The following CRYBG3 variants were observed in gnomAD, a reference collection of about 807,000 sequenced individuals.
The protein encoded by CRYBG3 is crystallin beta-gamma domain containing 3.
A neutral mutation model predicts 244.2 loss-of-function variants in CRYBG3; 127 were observed. That is an observed-to-expected ratio of 0.52 (90% CI 0.45 to 0.60). CRYBG3 has a LOEUF of 0.60. Among genes scored for constraint, CRYBG3 ranks in the 20% least tolerant of loss-of-function variants. The probability of loss-of-function intolerance (pLI) is 0.00; values close to 1 mark genes in which losing one functional copy is unlikely to be tolerated. For synonymous variants in CRYBG3, 1,132 were observed against 1,195.8 expected (o/e 0.95, Z 1.10); for missense variants, 3,325 against 3,442.5 (o/e 0.97, Z 0.85).
At chr3:97,901,507 G>T (rs954375152) in intron 15 of CRYBG3, among the ~76,000 whole-genome samples, 2 of 152,062 alleles carry the variant, frequency 1.3e-5, no homozygotes, top group Non-Finnish European at 2.9e-5. Flanking sequence ...ATTAGCTCAG[G>T]CCTATTGGGA....
In CRYBG3 at chr3:97,876,028, T is replaced by G; in HGVS notation, c.4834T>G (p.Ser1612Ala). 1 of 1,231,906 alleles carries G rather than the reference T, an allele frequency of 8.1e-7. No individual in the cohort carries two copies. Among genetic ancestry groups the G allele is most frequent in the Non-Finnish European group, 1.0e-6 (1 of 987,910 alleles). The allele number at this position is 1,231,906 out of a possible 1,614,324, so 76.3% of individuals were successfully genotyped here. A position where few individuals can be genotyped will look rare whatever the true frequency, so the allele number is the denominator to read the frequency against. ...GAGCTGTATTGAAAAAACTGAGGGA[T>G]CAGCTGTCATTTTAGGAATGGAAAA... ...AESCIEKTEG[S>A]AVILGMEKAY... The change falls in exon 4 of 22, where the codon TCA becomes GCA. Residue 1612 changes from serine to alanine, a missense_variant. Coordinates refer to ENST00000389622, the MANE Select transcript of CRYBG3 (RefSeq NM_153605.4).
chr3:97,903,869 C>T lies in CRYBG3; in HGVS notation c.8004+3384C>T, dbSNP rs560470946. Among the ~76,000 whole-genome samples the T allele has an allele frequency of 1.9e-4, 29 of 152,172 alleles. No individual in the cohort carries two copies. In the East Asian group the frequency reaches 5.6e-3, roughly 29 times the overall value. ...ACAATAATACATGTGAAAAGCAAAC[C>T]AGAGGAATACTTTTTTTCCTTCGCT... On this transcript the variant is annotated intron_variant, in intron 15 of 21. Coordinates refer to ENST00000389622, the MANE Select transcript of CRYBG3 (RefSeq NM_153605.4).
intron 3 of CRYBG3, among the ~76,000 whole-genome samples, chr3:97,870,509 G>T (rs1040500315): frequency 1.3e-5 from 2 of 152,078 alleles, no homozygotes; most frequent in African/African-American, 4.8e-5. Flanking sequence ...TGGCATATAT[G>T]TACCACATTT....
At chr3:97,855,336 T>C (rs983793125) in intron 2 of CRYBG3, among the ~76,000 whole-genome samples, 1 of 152,180 alleles carries the variant, frequency 6.6e-6, no homozygotes, top group African/African-American at 2.4e-5. Context: ...GCTTTTGTTA[T>C]CAGGGTAATG....
intron 12 of CRYBG3, among the ~76,000 whole-genome samples, chr3:97,898,207 C>T (rs1435882763): frequency 6.8e-6 from 1 of 146,530 alleles, no homozygotes; most frequent in Non-Finnish European, 1.5e-5. Flanking sequence ...GCAACAAGAG[C>T]GAAACTGCTT....
At chr3:97,879,793 TA>T in intron 5 of CRYBG3, 45 bp downstream of exon 5, 1 of 1,409,094 alleles carries the variant, frequency 7.1e-7, no homozygotes, top group African/African-American at 1.4e-5. Flanking sequence ...AAACATTAGG[TA>T]ACTTTCAGGC....
chr3:97,933,125 C>T (rs754450988), intron 17 of CRYBG3: 3 of 455,098 alleles, frequency 6.6e-6, no homozygotes, highest in South Asian at 3.1e-5. Flanking sequence ...AATGAAAAAG[C>T]AATACTGAGT....
chr3:97,934,628 G>A (rs917068035), intron 18 of CRYBG3, among the ~76,000 whole-genome samples: 13 of 152,054 alleles, frequency 8.5e-5, no homozygotes, highest in Admixed American at 8.5e-4. Flanking sequence ...TAAAGAGAAA[G>A]CCAATAATAT....
At chr3:97,911,226 T>C (rs1429099630) in intron 15 of CRYBG3, among the ~76,000 whole-genome samples, 3 of 152,226 alleles carry the variant, frequency 2.0e-5, no homozygotes, top group Non-Finnish European at 4.4e-5. Flanking sequence ...TTATCCTCGA[T>C]GACAGCATGA....
intron 17 of CRYBG3, among the ~76,000 whole-genome samples, chr3:97,923,343 T>TA (rs547633908): frequency 6.6e-6 from 1 of 151,484 alleles, no homozygotes; most frequent in Non-Finnish European, 1.5e-5. Context: ...ATAATAATAA[T>TA]AAAAAAAAGT....
Position 97,843,266 on chromosome 3 carries a change from A to G in CRYBG3, c.216+5A>G, listed in dbSNP as rs1158886394. ...CTTTCATCAGAAGCAGTAAAGGTAT[A>G]GTTTTAAATTAATATTATTTTATAT... On this transcript the variant is annotated splice_donor_5th_base_variant and intron_variant, in intron 2 of 21. Transcript: ENST00000389622. 11 of 1,362,772 alleles carry G rather than the reference A, an allele frequency of 8.1e-6. No individual in the cohort carries two copies. In the Admixed American group the frequency reaches 8.3e-5, roughly 10 times the overall value. The allele number at this position is 1,362,772 out of a possible 1,614,324, so 84.4% of individuals were successfully genotyped here.
chr3:97,841,257 T>TGTGTATACACATATATGTACATATAG (rs2038811063), intron 1 of CRYBG3, among the ~76,000 whole-genome samples: 1 of 135,290 alleles, frequency 7.4e-6, no homozygotes, highest in Non-Finnish European at 1.5e-5. Context: ...TATGTATATA[T>TGTGTATACACATATATGTACATATAG]GTGTATACAC....
Position 97,877,033 on chromosome 3 carries a change from C to A in CRYBG3, c.5839C>A (p.Pro1947Thr), listed in dbSNP as rs780700814. 3.8e-6 allele frequency: 6 copies of A among 1,580,796 alleles called. No individual in the cohort carries two copies. In the East Asian group the frequency reaches 1.3e-4, roughly 35 times the overall value. The change falls in exon 4 of 22, where the codon CCA (proline) becomes ACA (threonine). Residue 1947 changes from proline (P) to threonine (T), a missense_variant. This residue lies in a region of CRYBG3 where 450 missense variants were observed against 424.1 expected (regional missense o/e 1.06). Coordinates refer to ENST00000389622, the MANE Select transcript of CRYBG3 (RefSeq NM_153605.4). ...LSKDYEGYPA[P>T]AMPDFQPGDT... ...TAAGGATTATGAGGGCTACCCAGCCCCAGCAATGCCAGATTTTCAACCTGG... is the reference window on the plus strand; with the variant it reads ...TAAGGATTATGAGGGCTACCCAGCCACAGCAATGCCAGATTTTCAACCTGG...
chr3:97,835,574 TTGAAA>T lies in CRYBG3; in HGVS notation c.150-7612_150-7608del, dbSNP rs1441417624. On this transcript the variant is annotated intron_variant, in intron 1 of 21. Transcript: ENST00000389622. ...CATGGTGTTAGTTCATAGTAAGGAGTTGAAATGAAATGATGAGTTTACTTTTGGAA... is the reference window on the plus strand; with the variant it reads ...CATGGTGTTAGTTCATAGTAAGGAGTTGAAATGATGAGTTTACTTTTGGAA... Among the ~76,000 whole-genome samples, 25 of 151,994 alleles carry T rather than the reference TTGAAA, an allele frequency of 1.6e-4. 1 individual carries two copies. The highest frequency in any genetic ancestry group is 4.8e-4 in the African/African-American group (20 of 41,466).
chr3:97,918,435 C>A (rs899004107), intron 17 of CRYBG3, among the ~76,000 whole-genome samples: 1 of 152,084 alleles, frequency 6.6e-6, no homozygotes, highest in Admixed American at 6.6e-5. Flanking sequence ...AAGCAAATCT[C>A]TTAATTTATC....
chr3:97,837,619 G>A (rs940008355), intron 1 of CRYBG3, among the ~76,000 whole-genome samples: 1 of 152,124 alleles, frequency 6.6e-6, no homozygotes, highest in Non-Finnish European at 1.5e-5. Flanking sequence ...TGGAAGTGGA[G>A]AAATGTCCCT....
chr3:97,896,980 AT>A (rs200384318), intron 12 of CRYBG3, among the ~76,000 whole-genome samples: 7 of 148,996 alleles, frequency 4.7e-5, no homozygotes, highest in Middle Eastern at 3.5e-3. Flanking sequence ...AGTTATTTTT[AT>A]TTTTTTTTTA....
chr3:97,866,508 A>G (rs1362830692), intron 3 of CRYBG3, among the ~76,000 whole-genome samples: 3 of 152,212 alleles, frequency 2.0e-5, no homozygotes, highest in Non-Finnish European at 4.4e-5. Context: ...ATCTGATCAG[A>G]TCCACTGAAG....
intron 17 of CRYBG3, among the ~76,000 whole-genome samples, chr3:97,917,039 AAAAGCAAAAG>A (rs2039936212): frequency 6.6e-6 from 1 of 152,184 alleles, no homozygotes; most frequent in South Asian, 2.1e-4. Flanking sequence ...TGTTAACTCT[AAAAGCAAAAG>A]ATAGAGGTCT....
Sources: gnomAD v4.1 joint callset for allele counts (sites outside exome capture counted in the v4.1 genomes callset) on GRCh38, gnomAD v4.1.1 for gene constraint, gnomAD v4.1.1 regional missense constraint, MANE v1.5 for transcripts, NCBI Gene and HGNC (gene_info 2026-07-23, HGNC 2026-07-21) for gene names.